The following PRSS12 variants were observed in gnomAD, a reference collection of about 807,000 sequenced individuals.
The protein encoded by PRSS12 is serine protease 12, also known as neurotrypsin.
PRSS12 carries 85 observed loss-of-function variants against 104.4 expected under a neutral mutation model. That is an observed-to-expected ratio of 0.81 (90% CI 0.68 to 0.98). The LOEUF is 0.98. Among genes scored for constraint, PRSS12 ranks in the 50% least tolerant of loss-of-function variants. The pLI, the probability that PRSS12 is intolerant of heterozygous loss-of-function variation, is 0.00. For missense variants in PRSS12, 1,141 were observed against 1,139.2 expected (o/e 1.00, Z -0.02); for synonymous variants, 454 against 425.2 (o/e 1.07, Z -0.83).
In PRSS12 at chr4:118,338,332, C is replaced by T; in HGVS notation, c.503-18G>A. On this transcript the variant is annotated intron_variant, in intron 1 of 12. Transcript: ENST00000296498. The stretch of plus-strand genomic sequence containing the variant: ...TACTGATCCTAAAGTGGAAAAGAAT[C>T]CCAAAACCCTTTAATAGTAAATAAT... The T allele has an allele frequency of 6.2e-7, 1 of 1,613,700 alleles. No homozygotes were observed. The highest frequency in any genetic ancestry group is 8.5e-7 in the Non-Finnish European group (1 of 1,179,764).
Position 118,298,950 on chromosome 4 carries a change from A to G in PRSS12, c.1632-12T>C. ...CTCTGGCAGGACCCCTGAAGACAGAACATTCTTAATCATGTGAAGAATCAG... is the reference window on the plus strand; with the variant it reads ...CTCTGGCAGGACCCCTGAAGACAGAGCATTCTTAATCATGTGAAGAATCAG... On this transcript the variant is annotated splice_polypyrimidine_tract_variant and intron_variant, in intron 8 of 12. Transcript: ENST00000296498. 6.2e-7 allele frequency: 1 copy of G among 1,613,640 alleles called. No homozygotes were observed. The highest frequency in any genetic ancestry group is 8.5e-7 in the Non-Finnish European group (1 of 1,179,596).
intron 8 of PRSS12, among the ~76,000 whole-genome samples, chr4:118,306,204 T>C (rs1048201338): frequency 3.3e-5 from 5 of 152,084 alleles, no homozygotes; most frequent in African/African-American, 9.7e-5. Flanking sequence ...TGCATAAGGG[T>C]TTCAGTTTCT....
intron 1 of PRSS12, 141 bp downstream of exon 1, chr4:118,352,078 A>C (rs1489941177): frequency 2.5e-6 from 3 of 1,215,542 alleles, no homozygotes; most frequent in African/African-American, 1.5e-5. Context: ...ACCCAGCTGC[A>C]GCCCACCATC....
At chr4:118,327,383 C>A (rs1291555949) in intron 4 of PRSS12, among the ~76,000 whole-genome samples, 2 of 152,036 alleles carry the variant, frequency 1.3e-5, no homozygotes, top group Non-Finnish European at 2.9e-5. Context: ...AACTACTGGG[C>A]TCAAGCAGTC....
chr4:118,314,544 T>C (rs1225047355), intron 6 of PRSS12, among the ~76,000 whole-genome samples: 1 of 152,094 alleles, frequency 6.6e-6, no homozygotes, highest in African/African-American at 2.4e-5. Flanking sequence ...ACACAACAGA[T>C]AACAGGAAGT....
At chr4:118,315,114 T>C (rs1743871533) in intron 6 of PRSS12, among the ~76,000 whole-genome samples, 1 of 152,106 alleles carries the variant, frequency 6.6e-6, no homozygotes, top group South Asian at 2.1e-4. Flanking sequence ...ATGATAGCAT[T>C]ACTTATCACA....
chr4:118,299,940 C>T (rs1553954764), intron 8 of PRSS12, among the ~76,000 whole-genome samples: 1 of 148,078 alleles, frequency 6.8e-6, no homozygotes, highest in Non-Finnish European at 1.5e-5. Context: ...GAGATCACGC[C>T]GTTGCGCTCC....
rs1196893448 is a variant in PRSS12, at chr4:118,280,267, A to G, written c.*1669T>C. The G allele has an allele frequency of 1.3e-5, 2 of 152,226 alleles. No homozygotes were observed. Among genetic ancestry groups the G allele is most frequent in the East Asian group, 1.9e-4 (1 of 5,202 alleles). The allele number at this position is 152,226 out of a possible 1,614,324, so 9.4% of individuals were successfully genotyped here. On this transcript the variant is annotated 3_prime_UTR_variant, in exon 13 of 13. Coordinates refer to ENST00000296498, the MANE Select transcript of PRSS12 (RefSeq NM_003619.4). ...TTTAATTATAAGGGCAGCCTGTGAG[A>G]AAGTTTCAATAGACATTTTTCTCAC...
Position 118,335,465 on chromosome 4 carries a change from T to TG in PRSS12, c.820+7_820+8insC. 6.2e-7 allele frequency: 1 copy of TG among 1,613,848 alleles called. No homozygotes were observed. The highest frequency in any genetic ancestry group is 8.5e-7 in the Non-Finnish European group (1 of 1,179,886). On this transcript the variant is annotated splice_region_variant and intron_variant, in intron 3 of 12. Coordinates refer to ENST00000296498, the MANE Select transcript of PRSS12 (RefSeq NM_003619.4). ...AGTAAAACAACAGAACTTTTTTCTT[T>TG]TTTTTACCATGGGAAAAGCTACACG...
chr4:118,330,819 T>C (rs1309345934), intron 4 of PRSS12, among the ~76,000 whole-genome samples: 1 of 152,134 alleles, frequency 6.6e-6, no homozygotes, highest in Non-Finnish European at 1.5e-5. Flanking sequence ...ATACTTCAAA[T>C]ATAACATAGA....
At chr4:118,310,552 A>C (rs1004470555) in intron 7 of PRSS12, among the ~76,000 whole-genome samples, 4 of 152,242 alleles carry the variant, frequency 2.6e-5, no homozygotes, top group Admixed American at 6.5e-5. Context: ...AATAATACAT[A>C]GCATGTTTTA....
At chr4:118,292,102 T>C (rs1046671868) in intron 11 of PRSS12, among the ~76,000 whole-genome samples, 1 of 151,682 alleles carries the variant, frequency 6.6e-6, no homozygotes, top group Non-Finnish European at 1.5e-5. Flanking sequence ...GGTCTTCCCA[T>C]ATATGAAAAA....
At chr4:118,323,133 A>G (rs1032458407) in intron 4 of PRSS12, among the ~76,000 whole-genome samples, 2 of 152,010 alleles carry the variant, frequency 1.3e-5, no homozygotes, top group African/African-American at 4.8e-5. Flanking sequence ...CCCCTGCTCT[A>G]GAGGAAAGAG....
chr4:118,283,905 C>T (rs189730785), intron 11 of PRSS12, among the ~76,000 whole-genome samples: 226 of 152,162 alleles, frequency 1.5e-3, no homozygotes, highest in South Asian at 5.0e-3. Context: ...ATCTAAAACA[C>T]CTAAAATAGT....
chr4:118,348,918 C>T (rs1724423135), intron 1 of PRSS12, among the ~76,000 whole-genome samples: 1 of 152,132 alleles, frequency 6.6e-6, no homozygotes, highest in African/African-American at 2.4e-5. Flanking sequence ...TCCCAAAGTG[C>T]TAGGATTACA....
chr4:118,334,087 T>C (rs991120458), intron 3 of PRSS12, among the ~76,000 whole-genome samples: 1 of 152,194 alleles, frequency 6.6e-6, no homozygotes, highest in Non-Finnish European at 1.5e-5. Flanking sequence ...GATCTATCAC[T>C]ATCCCTTAAG....
chr4:118,292,588 A>G (rs1010516990), intron 11 of PRSS12, among the ~76,000 whole-genome samples: 3 of 152,218 alleles, frequency 2.0e-5, no homozygotes, highest in Non-Finnish European at 4.4e-5. Flanking sequence ...AGTACATAGC[A>G]GGTGCCTGAG....
rs372099887 is a variant in PRSS12 at position 118,280,276 on chromosome 4, A to G, written c.*1660T>C. ...AAGGGCAGCCTGTGAGAAAGTTTCA[A>G]TAGACATTTTTCTCACCTATATTGC... On this transcript the variant is annotated 3_prime_UTR_variant, in exon 13 of 13. Coordinates refer to ENST00000296498, the MANE Select transcript of PRSS12 (RefSeq NM_003619.4). 7.9e-5 allele frequency: 12 copies of G among 152,370 alleles called. No homozygotes were observed. The highest frequency in any genetic ancestry group is 5.2e-4 in the Admixed American group (8 of 15,306). 9.4% of individuals were successfully genotyped at this position (152,370 alleles called of 1,614,324 possible).
intron 11 of PRSS12, among the ~76,000 whole-genome samples, chr4:118,293,778 G>A (rs955443071): frequency 1.1e-5 from 1 of 87,290 alleles, no homozygotes; most frequent in Non-Finnish European, 2.8e-5. Context: ...ACACATTGCT[G>A]GGTTATAAAC....
Sources: allele counts gnomAD v4.1 joint callset (sites outside exome capture counted in the v4.1 genomes callset), GRCh38; gene constraint gnomAD v4.1.1; transcripts MANE v1.5; gene names NCBI Gene and HGNC (gene_info 2026-07-23, HGNC 2026-07-21).